DNAI7: variants seen among roughly 807,000 people sequenced by gnomAD.
The protein encoded by DNAI7 is cancer susceptibility 1.
In DNAI7, 78 loss-of-function variants were observed where a neutral mutation model predicts 86.6. The ratio of observed to expected loss-of-function variants is 0.90; its 90% CI spans 0.75 to 1.09. The LOEUF (loss-of-function observed/expected upper bound fraction) is 1.09. Among genes scored for constraint, DNAI7 ranks in the 50% least tolerant of loss-of-function variants. The pLI, the probability that DNAI7 is intolerant of heterozygous loss-of-function variation, is 0.00. For missense variants in DNAI7, 753 were observed against 810.2 expected, an observed-to-expected ratio of 0.93 and a Z score of 0.86; for synonymous variants, 274 against 273.0, an observed-to-expected ratio of 1.00 and a Z score of -0.04.
chr12:25,149,289 A>T (rs1365391335), intron 7 of DNAI7, among the ~76,000 whole-genome samples: 1 of 152,136 alleles, frequency 6.6e-6, no homozygotes, highest in Non-Finnish European at 1.5e-5. Context: ...TTTAAAAATA[A>T]AATATTTGGC....
At chr12:25,181,995 G>A (rs1049251875) in intron 2 of DNAI7, among the ~76,000 whole-genome samples, 19 of 151,630 alleles carry the variant, frequency 1.3e-4, no homozygotes, top group African/African-American at 4.4e-4. Flanking sequence ...ATTCAACCCA[G>A]CAATCCCACT....
downstream of DNAI7, chr12:25,107,150 C>T (rs1177570368): frequency 1.6e-5 from 8 of 513,226 alleles, no homozygotes; most frequent in Middle Eastern, 6.7e-4. Flanking sequence ...AAAAGACATG[C>T]CAAATTGTTG....
intron 15 of DNAI7, among the ~76,000 whole-genome samples, chr12:25,109,664 A>G (rs1949628830): frequency 6.6e-6 from 1 of 152,054 alleles, no homozygotes; most frequent in Non-Finnish European, 1.5e-5. Context: ...TTAGATTTAT[A>G]TTTTTGACAA....
rs778811839 is a variant in DNAI7, at chr12:25,194,946, G to A, written c.3+130C>T. On this transcript the variant is annotated intron_variant, in intron 1 of 15. Transcript: ENST00000395987. Reference sequence around the variant, plus strand: ...GAGAAGAGGGCCGACCCACCCCAAGGTATGAGTTATTTCCCAAACCGACCC... The same window carrying A: ...GAGAAGAGGGCCGACCCACCCCAAGATATGAGTTATTTCCCAAACCGACCC... 3.1e-6 allele frequency: 5 copies of A among 1,614,038 alleles called. No individual in the cohort carries two copies. The Admixed American group carries it at 5.0e-5, about 16-fold the overall frequency.
chr12:25,110,586 G>A (rs369041115), intron 14 of DNAI7, among the ~76,000 whole-genome samples: 240 of 152,108 alleles, frequency 1.6e-3, no homozygotes, highest in Middle Eastern at 6.8e-3. Flanking sequence ...CACTCCCTCG[G>A]GGCTCTTGCT....
At chr12:25,180,724 C>A (rs1223208877) in intron 2 of DNAI7, among the ~76,000 whole-genome samples, 1 of 152,288 alleles carries the variant, frequency 6.6e-6, no homozygotes, top group South Asian at 2.1e-4. Flanking sequence ...GGAAAACTGG[C>A]TAGCCACTTG....
chr12:25,158,354 A>G, intron 4 of DNAI7, 118 bp downstream of exon 4: 1 of 719,170 alleles, frequency 1.4e-6, no homozygotes, highest in Non-Finnish European at 2.3e-6. Context: ...TGGTACGATT[A>G]AGTTCATGTA....
At chr12:25,163,848 A>C (rs1308629616) in intron 2 of DNAI7, among the ~76,000 whole-genome samples, 1 of 152,154 alleles carries the variant, frequency 6.6e-6, no homozygotes, top group African/African-American at 2.4e-5. Flanking sequence ...TCTTGGTGCC[A>C]CACTTCAATC....
chr12:25,110,516 C>A (rs544552555), intron 14 of DNAI7, among the ~76,000 whole-genome samples: 84 of 152,272 alleles, frequency 5.5e-4, no homozygotes, highest in Non-Finnish European at 8.7e-4. Flanking sequence ...TCCCTTTGCT[C>A]TCTCAGTTCC....
chr12:25,132,277 C>G (rs544742223), intron 9 of DNAI7, among the ~76,000 whole-genome samples: 23 of 152,202 alleles, frequency 1.5e-4, no homozygotes, highest in Non-Finnish European at 2.8e-4. Context: ...ATCCTTCTCA[C>G]GTTCTTTCCC....
intron 2 of DNAI7, among the ~76,000 whole-genome samples, chr12:25,174,386 TGGG>T (rs371084857): frequency 0.068 from 22 of 322 alleles, 10 homozygotes; most frequent in African/African-American, 0.079. Context: ...ATCATATATA[TGGG>T]ATATATCATA....
In DNAI7 at chr12:25,190,044, T is replaced by C. The variant is rs557257767; in HGVS notation, c.21+570A>G. Among the ~76,000 whole-genome samples, 10 of 146,300 alleles carry C rather than the reference T, an allele frequency of 6.8e-5. No individual in the cohort carries two copies. The South Asian group carries it at 1.9e-3, about 28-fold the overall frequency. ...GGTCAAACAAAATATGTCTGTAGGG[T>C]AAATTTGGACTGCCAGCCAATGGAT... On this transcript the variant is annotated intron_variant, in intron 2 of 15. Transcript: ENST00000395987.
At chr12:25,179,803 C>A (rs563026343) in intron 2 of DNAI7, among the ~76,000 whole-genome samples, 1 of 151,422 alleles carries the variant, frequency 6.6e-6, no homozygotes, top group East Asian at 1.9e-4. Flanking sequence ...CTAGTAAGAA[C>A]CATCTATGTA....
At chr12:25,168,667 G>A (rs371275108) in intron 2 of DNAI7, among the ~76,000 whole-genome samples, 4 of 152,224 alleles carry the variant, frequency 2.6e-5, no homozygotes, top group South Asian at 4.1e-4. Context: ...ATCTGGCCTA[G>A]TGTATGACAA....
intron 3 of DNAI7, 113 bp from the exon 4 acceptor site, chr12:25,158,676 A>G: frequency 4.0e-6 from 6 of 1,504,284 alleles, no homozygotes; most frequent in Non-Finnish European, 5.3e-6. Context: ...TATAGAAGTC[A>G]CAGTCTTTAT....
At chr12:25,190,546 T>C in intron 2 of DNAI7, 68 bp downstream of exon 2, 1 of 638,620 alleles carries the variant, frequency 1.6e-6, no homozygotes, top group Non-Finnish European at 2.6e-6. Context: ...TTTATAATTC[T>C]GTAAATATTC....
intron 2 of DNAI7, among the ~76,000 whole-genome samples, chr12:25,189,706 T>C (rs1565852860): frequency 6.6e-6 from 1 of 151,846 alleles, no homozygotes; most frequent in Admixed American, 6.6e-5. Flanking sequence ...AAGGGAACAA[T>C]GGGAAAATTT....
intron 12 of DNAI7, among the ~76,000 whole-genome samples, chr12:25,117,619 T>TA (rs1940388270): frequency 2.0e-5 from 3 of 152,194 alleles, no homozygotes; most frequent in African/African-American, 7.2e-5. Flanking sequence ...AAAGAGGTAT[T>TA]TGTTAATGAT....
chr12:25,116,973 C>T (rs1156332173), intron 12 of DNAI7, among the ~76,000 whole-genome samples: 1 of 152,164 alleles, frequency 6.6e-6, no homozygotes, highest in Non-Finnish European at 1.5e-5. Flanking sequence ...CTCACTCTGT[C>T]ACCCACCCTG....
Sources: gnomAD v4.1 joint callset for allele counts (sites outside exome capture counted in the v4.1 genomes callset) on GRCh38, gnomAD v4.1.1 for gene constraint, MANE v1.5 for transcripts, NCBI Gene and HGNC (gene_info 2026-07-23, HGNC 2026-07-21) for gene names.